PRR16: variants seen among roughly 807,000 people sequenced by gnomAD.
The protein encoded by PRR16 is proline rich 16.
In PRR16, 6 loss-of-function variants were observed where a neutral mutation model predicts 18.2. The observed-to-expected ratio is 0.33, with a 90% CI of 0.18 to 0.65. PRR16 has a LOEUF of 0.65. Ranked by LOEUF, PRR16 falls within the 30% of genes least tolerant of loss-of-function variation. The pLI is 0.74. For missense variants in PRR16, 412 were observed against 376.6 expected (o/e 1.09, Z -0.78); for synonymous variants, 151 against 147.8 (o/e 1.02, Z -0.16).
At chr5:120,766,484 C>G in the PRR16 span, among the ~76,000 whole-genome samples, 1 of 151,770 alleles carries the variant, frequency 6.6e-6, no homozygotes. Flanking sequence ...ACACTCAGTA[C>G]TAGTCAATTG....
At chr5:120,667,067 C>A (rs553672759) in intron 1 of PRR16, among the ~76,000 whole-genome samples, 1 of 151,766 alleles carries the variant, frequency 6.6e-6, no homozygotes, top group Non-Finnish European at 1.5e-5. Context: ...TGGTAGAATT[C>A]GGCTGTGAAT....
At chr5:120,508,235 A>G (rs1233241844) in intron 1 of PRR16, among the ~76,000 whole-genome samples, 2 of 152,142 alleles carry the variant, frequency 1.3e-5, no homozygotes, top group African/African-American at 2.4e-5. Flanking sequence ...GAAGATGAGG[A>G]CGAAAACTAT....
At chr5:120,508,062 T>C (rs9327146) in intron 1 of PRR16, among the ~76,000 whole-genome samples, 41,527 of 152,012 alleles carry the variant, frequency 0.27, 6,987 homozygotes, top group African/African-American at 0.48. Context: ...GCAGTCAGAC[T>C]GGTGGTGCCT....
At chr5:120,781,061 G>GTATC in the PRR16 span, among the ~76,000 whole-genome samples, 1 of 151,922 alleles carries the variant, frequency 6.6e-6, no homozygotes, top group Non-Finnish European at 1.5e-5. Context: ...AAATATCTAT[G>GTATC]TATCTATCTA....
chr5:120,769,748 T>C, the PRR16 span, among the ~76,000 whole-genome samples: 5 of 151,908 alleles, frequency 3.3e-5, no homozygotes, highest in African/African-American at 7.2e-5. Context: ...CTGGATTATA[T>C]GGTAGTCCTG....
intron 1 of PRR16, among the ~76,000 whole-genome samples, chr5:120,568,698 C>T (rs1752810324): frequency 6.6e-6 from 1 of 152,024 alleles, no homozygotes; most frequent in East Asian, 1.9e-4. Context: ...GTGAGAATTA[C>T]ACATTCTTTG....
At chr5:120,650,074 T>G (rs952004364) in intron 1 of PRR16, among the ~76,000 whole-genome samples, 2 of 151,732 alleles carry the variant, frequency 1.3e-5, no homozygotes, top group African/African-American at 2.4e-5. Context: ...AAAAATTAAC[T>G]GGGTGTGGCA....
chr5:120,483,941 C>T (rs953622426), intron 1 of PRR16, among the ~76,000 whole-genome samples: 1 of 151,906 alleles, frequency 6.6e-6, no homozygotes, highest in Admixed American at 6.6e-5. Context: ...TTAATTGGCA[C>T]AGAACATTAA....
chr5:120,533,945 A>C (rs1751633409), intron 1 of PRR16, among the ~76,000 whole-genome samples: 1 of 152,138 alleles, frequency 6.6e-6, no homozygotes, highest in Non-Finnish European at 1.5e-5. Context: ...AGGCTTCCTG[A>C]GAGATTGGAG....
At chr5:120,707,733 A>G in the PRR16 span, among the ~76,000 whole-genome samples, 1 of 152,342 alleles carries the variant, frequency 6.6e-6, no homozygotes, top group African/African-American at 2.4e-5. Flanking sequence ...TATTTTTGAT[A>G]GGGGAAGAAG....
the PRR16 span, among the ~76,000 whole-genome samples, chr5:120,700,720 A>G: frequency 6.6e-6 from 1 of 152,118 alleles, no homozygotes; most frequent in Non-Finnish European, 1.5e-5. Context: ...CCTTGAAAAG[A>G]AAGTAATGTG....
At position 120,673,179 on chromosome 5, in the gene PRR16, C is replaced by T. The variant is rs561387076; in HGVS notation, c.160-12775C>T. On this transcript the variant is annotated intron_variant, in intron 1 of 1. Coordinates refer to ENST00000407149, the MANE Select transcript of PRR16 (RefSeq NM_001300783.2). ...TGAGAATTACATGTAGTGACTATAA[C>T]ATGCAATACATTTAACTATATGGAA... Among the ~76,000 whole-genome samples, 3 of 152,350 alleles carry T rather than the reference C, an allele frequency of 2.0e-5. No homozygotes were observed. The East Asian group carries it at 5.8e-4, about 29-fold the overall frequency.
Position 120,563,357 on chromosome 5 carries a change from G to C in PRR16, c.159+98712G>C, listed in dbSNP as rs546025069. On this transcript the variant is annotated intron_variant, in intron 1 of 1. Transcript: ENST00000407149. Reference sequence around the variant, plus strand: ...GCCAGATCCCCCAGGTCCTAGTAGGGTCTAGAGATGCTCTCTGGGAGTCAG... The same window carrying C: ...GCCAGATCCCCCAGGTCCTAGTAGGCTCTAGAGATGCTCTCTGGGAGTCAG... Among the ~76,000 whole-genome samples the C allele has an allele frequency of 2.0e-5, 3 of 152,306 alleles. No individual in the cohort carries two copies. The South Asian group carries it at 6.2e-4, about 32-fold the overall frequency.
the PRR16 span, among the ~76,000 whole-genome samples, chr5:120,703,938 C>A: frequency 1.3e-5 from 2 of 152,268 alleles, no homozygotes; most frequent in South Asian, 4.1e-4. Flanking sequence ...TTGGATTTGT[C>A]AGTATGTACT....
At chr5:120,497,149 A>G (rs1199660808) in intron 1 of PRR16, among the ~76,000 whole-genome samples, 1 of 152,048 alleles carries the variant, frequency 6.6e-6, no homozygotes, top group Non-Finnish European at 1.5e-5. Flanking sequence ...TATATGTTTC[A>G]CGGACACTTA....
chr5:120,717,374 T>C, the PRR16 span, among the ~76,000 whole-genome samples: 1 of 152,218 alleles, frequency 6.6e-6, no homozygotes, highest in Non-Finnish European at 1.5e-5. Context: ...TAGTCATTGT[T>C]TCTGATTTTT....
intron 1 of PRR16, among the ~76,000 whole-genome samples, chr5:120,519,246 T>C (rs1554080165): frequency 1.3e-5 from 2 of 152,116 alleles, no homozygotes; most frequent in Non-Finnish European, 2.9e-5. Context: ...TTATTCATTA[T>C]TTAGTAATGA....
At chr5:120,474,523 T>A (rs1749374456) in intron 1 of PRR16, among the ~76,000 whole-genome samples, 1 of 152,166 alleles carries the variant, frequency 6.6e-6, no homozygotes. Flanking sequence ...CCTACCTTTT[T>A]CTTTCTTTAT....
the PRR16 span, among the ~76,000 whole-genome samples, chr5:120,785,966 T>A: frequency 6.8e-6 from 1 of 146,132 alleles, no homozygotes; most frequent in Non-Finnish European, 1.5e-5. Context: ...ATATATATTT[T>A]AGTCATTCTT....
Sources: allele counts gnomAD v4.1 joint callset (sites outside exome capture counted in the v4.1 genomes callset), GRCh38; gene constraint gnomAD v4.1.1; transcripts MANE v1.5; gene names NCBI Gene and HGNC (gene_info 2026-07-23, HGNC 2026-07-21).